METTL21C: variants seen among roughly 807,000 people sequenced by gnomAD.
METTL21C encodes methyltransferase 21C, AARS1 lysine.
METTL21C carries 21 observed loss-of-function variants against 25.9 expected under a neutral mutation model. The ratio of observed to expected loss-of-function variants is 0.81; its 90% CI spans 0.58 to 1.17. The LOEUF is 1.17. METTL21C is among the 50% of genes most tolerant of loss of function. METTL21C has a pLI of 0.00. For missense variants in METTL21C, 312 were observed against 315.1 expected, an observed-to-expected ratio of 0.99 and a Z score of 0.07; for synonymous variants, 125 against 124.7, an observed-to-expected ratio of 1.00 and a Z score of -0.01.
intron 3 of METTL21C, 61 bp from the exon 4 acceptor site, chr13:102,686,486 C>A: frequency 6.6e-7 from 1 of 1,516,662 alleles, no homozygotes. Flanking sequence ...TACATATACC[C>A]AGGGAGAAAC....
the METTL21C span, among the ~76,000 whole-genome samples, chr13:102,700,676 C>T: frequency 6.6e-6 from 1 of 152,274 alleles, no homozygotes; most frequent in East Asian, 1.9e-4. Context: ...ATAAATGATA[C>T]CTTTCTGCAG....
intron 2 of METTL21C, among the ~76,000 whole-genome samples, chr13:102,688,016 A>G (rs1885720150): frequency 6.6e-6 from 1 of 152,220 alleles, no homozygotes; most frequent in African/African-American, 2.4e-5. Flanking sequence ...TTATGAGAAG[A>G]AATGACAAAA....
chr13:102,686,534 G>T, intron 3 of METTL21C, 109 bp from the exon 4 acceptor site: 1 of 1,306,130 alleles, frequency 7.7e-7, no homozygotes. Context: ...TGGCTCTATT[G>T]GTGGGTGGGC....
the METTL21C span, among the ~76,000 whole-genome samples, chr13:102,703,336 C>A: frequency 6.6e-6 from 1 of 152,194 alleles, no homozygotes; most frequent in Admixed American, 6.5e-5. Context: ...CGTAGCCAGG[C>A]CTGCAGGCCA....
the METTL21C span, among the ~76,000 whole-genome samples, chr13:102,700,611 T>C: frequency 2.0e-5 from 3 of 152,166 alleles, no homozygotes; most frequent in African/African-American, 7.2e-5. Flanking sequence ...ACACTGAAAA[T>C]GTGCTTGAAA....
At chr13:102,699,130 C>T (rs887250605), upstream of METTL21C, among the ~76,000 whole-genome samples, 5 of 152,150 alleles carry the variant, frequency 3.3e-5, no homozygotes. Context: ...AGGGCCATAA[C>T]CCATAAAAAG....
chr13:102,686,931 C>T lies in METTL21C; in HGVS notation c.400+9G>A. The T allele has an allele frequency of 6.2e-7, 1 of 1,604,562 alleles. No individual in the cohort carries two copies. Among genetic ancestry groups the T allele is most frequent in the Non-Finnish European group, 8.5e-7 (1 of 1,171,364 alleles). On this transcript the variant is annotated intron_variant, in intron 3 of 3. Coordinates refer to ENST00000267273, the MANE Select transcript of METTL21C (RefSeq NM_001010977.3). ...ATCTGGATACTAGGTCAGGAATAAA[C>T]AAACAAACCTAAAATACTGGCCACA...
chr13:102,688,849 T>G (rs1885748987), intron 2 of METTL21C, among the ~76,000 whole-genome samples: 1 of 127,668 alleles, frequency 7.8e-6, no homozygotes, highest in Non-Finnish European at 1.7e-5. Context: ...AGCTGTGTCT[T>G]TTGACATTGC....
intron 2 of METTL21C, among the ~76,000 whole-genome samples, chr13:102,690,339 T>G (rs1204388757): frequency 6.6e-6 from 1 of 151,182 alleles, no homozygotes; most frequent in Middle Eastern, 3.4e-3. Context: ...GAGAATTGCA[T>G]GAACCCAGGA....
At chr13:102,690,179 G>A (rs769080056) in intron 2 of METTL21C, among the ~76,000 whole-genome samples, 4 of 152,172 alleles carry the variant, frequency 2.6e-5, no homozygotes, top group Non-Finnish European at 5.9e-5. Flanking sequence ...CCAGCACTTT[G>A]GGAGGCCGAG....
chr13:102,690,707 G>T, intron 2 of METTL21C, 106 bp downstream of exon 2: 1 of 1,346,692 alleles, frequency 7.4e-7, no homozygotes, highest in Non-Finnish European at 1.0e-6. Flanking sequence ...ACCTCAAATT[G>T]AGAAGCAGGA....
At chr13:102,689,161 C>T (rs1042000611) in intron 2 of METTL21C, among the ~76,000 whole-genome samples, 3 of 152,076 alleles carry the variant, frequency 2.0e-5, no homozygotes, top group African/African-American at 7.2e-5. Context: ...AACTCCTGAG[C>T]TCAAGCGATC....
chr13:102,687,899 C>G (rs1885717552), intron 2 of METTL21C, among the ~76,000 whole-genome samples: 1 of 152,168 alleles, frequency 6.6e-6, no homozygotes, highest in Non-Finnish European at 1.5e-5. Flanking sequence ...TCTAACCTTT[C>G]CACAAAGAGT....
At chr13:102,688,669 G>A (rs1007591870) in intron 2 of METTL21C, among the ~76,000 whole-genome samples, 1 of 152,156 alleles carries the variant, frequency 6.6e-6, no homozygotes, top group African/African-American at 2.4e-5. Flanking sequence ...TATTTGCTGT[G>A]GGGGCTGGGA....
the METTL21C span, among the ~76,000 whole-genome samples, chr13:102,701,255 C>G: frequency 6.6e-6 from 1 of 152,056 alleles, no homozygotes; most frequent in African/African-American, 2.4e-5. Context: ...GAAGCTGAGC[C>G]CTCCCCCTTT....
chr13:102,691,030 TA>T, intron 1 of METTL21C, 66 bp from the exon 2 acceptor site: 1 of 1,545,768 alleles, frequency 6.5e-7, no homozygotes. Context: ...ACACACTTGG[TA>T]TAATTGCTAA....
Position 102,686,176 on chromosome 13 carries a change from G to T in METTL21C, c.650C>A (p.Thr217Lys), listed in dbSNP as rs771871190. 6.2e-7 allele frequency: 1 copy of T among 1,614,072 alleles called. No homozygotes were observed. Residue 217 changes from threonine to lysine, a missense_variant, in exon 4 of 4, where the codon ACG becomes AAG. By Grantham distance (78) the Thr-to-Lys change is moderately conservative. Coordinates refer to ENST00000267273, the MANE Select transcript of METTL21C (RefSeq NM_001010977.3). ...TTMVYLSQPG[T>K]VLLWANKFRF... is the part of the protein sequence containing the mutation. ...GAATTTGTTTGCCCAAAGCAGCACC[G>T]TCCCTGGCTGGGAAAGGTACACCAT...
At position 102,685,996 on chromosome 13, in the gene METTL21C, GAC is replaced by G; in HGVS notation, c.*33_*34del. 1.3e-6 allele frequency: 2 copies of G among 1,530,802 alleles called. No homozygotes were observed. Among genetic ancestry groups the G allele is most frequent in the South Asian group, 1.3e-5 (1 of 76,584 alleles). The allele number at this position is 1,530,802 out of a possible 1,614,324, so 94.8% of individuals were successfully genotyped here. On this transcript the variant is annotated 3_prime_UTR_variant, in exon 4 of 4. Transcript: ENST00000267273. ...GCAATTTCTAACACATTGCTCAAAA[GAC>G]ACAGTAACGTTGTGAAAGGCATTTT...
In METTL21C at chr13:102,686,017, G is replaced by A. The variant is rs771087837; in HGVS notation, c.*14C>T. The A allele has an allele frequency of 1.9e-6, 3 of 1,548,142 alleles. No homozygotes were observed. The highest frequency in any genetic ancestry group is 3.8e-5 in the Admixed American group (2 of 51,954). On this transcript the variant is annotated 3_prime_UTR_variant, in exon 4 of 4. Transcript: ENST00000267273. ...AAAAGACACAGTAACGTTGTGAAAG[G>A]CATTTTGTTGGATTTAGTCCCATTT...
Sources: gnomAD v4.1 joint callset for allele counts (sites outside exome capture counted in the v4.1 genomes callset) on GRCh38, gnomAD v4.1.1 for gene constraint, MANE v1.5 for transcripts, NCBI Gene and HGNC (gene_info 2026-07-23, HGNC 2026-07-21) for gene names.